The following CYP19A1 variants were observed in gnomAD, a reference collection of about 807,000 sequenced individuals.
The protein encoded by CYP19A1 is cytochrome P450 family 19 subfamily A member 1, also known as aromatase.
In CYP19A1, 32 loss-of-function variants were observed where a neutral mutation model predicts 44.4. The observed-to-expected ratio is 0.72, with a 90% CI of 0.54 to 0.97. CYP19A1 has a LOEUF of 0.97. Among genes scored for constraint, CYP19A1 ranks in the 50% least tolerant of loss-of-function variants. CYP19A1 has a pLI of 0.00. For synonymous variants in CYP19A1, 212 were observed against 215.6 expected, an observed-to-expected ratio of 0.98 and a Z score of 0.14; for missense variants, 598 against 637.8, an observed-to-expected ratio of 0.94 and a Z score of 0.67.
At chr15:51,236,828 A>G (rs541596049) in intron 3 of CYP19A1, 31 bp downstream of exon 3, 5 of 1,613,522 alleles carry the variant, frequency 3.1e-6, no homozygotes, top group African/African-American at 2.7e-5. Context: ...CTCGATTTAA[A>G]AAGTATGTCT....
At chr15:51,277,863 T>C (rs540792856) in intron 1 of CYP19A1, 26 of 151,700 alleles carry the variant, frequency 1.7e-4, no homozygotes, top group African/African-American at 5.8e-4. Flanking sequence ...AAAGAATACA[T>C]ACTATTATTA....
intron 1 of CYP19A1, among the ~76,000 whole-genome samples, chr15:51,335,651 G>C (rs1484604557): frequency 1.3e-5 from 2 of 152,176 alleles, no homozygotes; most frequent in African/African-American, 4.8e-5. Flanking sequence ...CCTGGTGGAG[G>C]TCAGAGATCA....
At position 51,324,897 on chromosome 15, in the gene CYP19A1, G is replaced by A. The variant is rs115513651; in HGVS notation, c.-39+13598C>T. Among the ~76,000 whole-genome samples the A allele has an allele frequency of 8.9e-3, 1,360 of 152,264 alleles. 25 individuals carry two copies. Among genetic ancestry groups the A allele is most frequent in the African/African-American group, 0.032 (1,310 of 41,552 alleles). On this transcript the variant is annotated intron_variant, in intron 1 of 9. Coordinates refer to ENST00000396402, the MANE Select transcript of CYP19A1 (RefSeq NM_000103.4). ...GGCAAAACAATAACAAAATTCTGGGGTGTGTTACAAATTAAAGTCAGAAGT... is the reference window on the plus strand; with the variant it reads ...GGCAAAACAATAACAAAATTCTGGGATGTGTTACAAATTAAAGTCAGAAGT...
chr15:51,322,030 G>A (rs1343049413), intron 1 of CYP19A1: 5 of 152,190 alleles, frequency 3.3e-5, no homozygotes, highest in Non-Finnish European at 7.3e-5. Context: ...CCTTCTGCAA[G>A]AGAATGAGAA....
Position 51,227,847 on chromosome 15 carries a change from TGCATAC to T in CYP19A1, c.377_382del (p.Gly126_His128delinsAsp). The T allele has an allele frequency of 6.6e-7, 1 of 1,513,218 alleles. No homozygotes were observed. The highest frequency in any genetic ancestry group is 9.2e-7 in the Non-Finnish European group (1 of 1,088,146). 93.7% of individuals were successfully genotyped at this position (1,513,218 alleles called of 1,614,324 possible). On this transcript the variant is annotated inframe_deletion, in exon 4 of 10. Transcript: ENST00000396402. ...GTTGTTAAATATGATGCCTTTCTCA[TGCATAC>T]CGATGCACTGCAGCCCAAGTTTGCT...
chr15:51,240,239 A>T (rs2033673374), intron 2 of CYP19A1, among the ~76,000 whole-genome samples: 2 of 152,078 alleles, frequency 1.3e-5, no homozygotes. Flanking sequence ...TCCTGCCCCT[A>T]AGCAGGAAAA....
chr15:51,268,333 T>C (rs2035002861), intron 1 of CYP19A1, among the ~76,000 whole-genome samples: 1 of 152,264 alleles, frequency 6.6e-6, no homozygotes, highest in South Asian at 2.1e-4. Flanking sequence ...TGGAATTCTA[T>C]TGTCATAATC....
At chr15:51,328,328 G>A (rs1351567279) in intron 1 of CYP19A1, among the ~76,000 whole-genome samples, 6 of 152,174 alleles carry the variant, frequency 3.9e-5, no homozygotes, top group African/African-American at 1.4e-4. Flanking sequence ...CATTGAGCAG[G>A]ACATTTGAAA....
chr15:51,277,459 A>G (rs527551615), intron 1 of CYP19A1: 1 of 152,334 alleles, frequency 6.6e-6, no homozygotes, highest in East Asian at 1.9e-4. Flanking sequence ...ATCTTTTCTT[A>G]CGGCAATGAA....
chr15:51,282,496 A>G (rs929461418), intron 1 of CYP19A1, among the ~76,000 whole-genome samples: 7 of 152,154 alleles, frequency 4.6e-5, no homozygotes, highest in African/African-American at 1.4e-4. Flanking sequence ...TGACCCACAC[A>G]TTCTCACCAC....
intron 1 of CYP19A1, chr15:51,337,849 T>G (rs1447921094): frequency 2.6e-5 from 4 of 152,270 alleles, no homozygotes; most frequent in African/African-American, 9.7e-5. Context: ...TCCCCCTTCT[T>G]CTGTGAAAAA....
At position 51,303,875 on chromosome 15, in the gene CYP19A1, G is replaced by A. The variant is rs541023576; in HGVS notation, c.-39+34620C>T. On this transcript the variant is annotated intron_variant, in intron 1 of 9. Transcript: ENST00000396402. ...TGTCTTCTAGGAGCCTGAAAATCCC[G>A]GGCTGAGGATGATACATGGGACCTC... 3.9e-5 allele frequency among the ~76,000 whole-genome samples: 6 copies of A among 152,212 alleles called. No individual in the cohort carries two copies. The East Asian group carries it at 5.8e-4, about 15-fold the overall frequency.
intron 1 of CYP19A1, among the ~76,000 whole-genome samples, chr15:51,290,744 C>T (rs2035823958): frequency 6.6e-6 from 1 of 152,254 alleles, no homozygotes; most frequent in Non-Finnish European, 1.5e-5. Context: ...TGCCTTCTTC[C>T]TTCCCTCCGA....
At chr15:51,292,894 CA>C (rs2035881190) in intron 1 of CYP19A1, among the ~76,000 whole-genome samples, 1 of 151,860 alleles carries the variant, frequency 6.6e-6, no homozygotes, top group Non-Finnish European at 1.5e-5. Flanking sequence ...CCCCAAACAC[CA>C]GGTGCTCTGA....
intron 1 of CYP19A1, among the ~76,000 whole-genome samples, chr15:51,319,369 C>T (rs1330521780): frequency 2.6e-5 from 4 of 152,202 alleles, no homozygotes; most frequent in African/African-American, 7.2e-5. Context: ...AGATCAGACA[C>T]TTTAAGTAAT....
intron 2 of CYP19A1, among the ~76,000 whole-genome samples, chr15:51,240,675 T>C (rs958554857): frequency 8.5e-5 from 13 of 152,206 alleles, no homozygotes; most frequent in African/African-American, 2.4e-4. Context: ...GGATTCTAAC[T>C]AGACCTTCTG....
At chr15:51,329,006 G>A (rs892612876) in intron 1 of CYP19A1, among the ~76,000 whole-genome samples, 2 of 152,110 alleles carry the variant, frequency 1.3e-5, no homozygotes, top group African/African-American at 4.8e-5. Context: ...CTACACTCTC[G>A]TAGGTCTCCA....
At chr15:51,234,512 T>C (rs2033256494) in intron 3 of CYP19A1, among the ~76,000 whole-genome samples, 1 of 152,200 alleles carries the variant, frequency 6.6e-6, no homozygotes, top group Non-Finnish European at 1.5e-5. Context: ...ACGGACTTTT[T>C]CTGGAGATTT....
At chr15:51,314,362 G>A (rs576096571) in intron 1 of CYP19A1, among the ~76,000 whole-genome samples, 1 of 152,074 alleles carries the variant, frequency 6.6e-6, no homozygotes, top group Non-Finnish European at 1.5e-5. Context: ...TATCATGGTG[G>A]AAGCCAGTAT....
Sources: gnomAD v4.1 joint callset for allele counts (sites outside exome capture counted in the v4.1 genomes callset) on GRCh38, gnomAD v4.1.1 for gene constraint, MANE v1.5 for transcripts, NCBI Gene and HGNC (gene_info 2026-07-23, HGNC 2026-07-21) for gene names.